Variants in LRRC4C observed in about 807,000 individuals in gnomAD.
LRRC4C encodes the protein leucine rich repeat containing 4C.
LRRC4C carries 5 observed loss-of-function variants against 33.6 expected under a neutral mutation model. That is an observed-to-expected ratio of 0.15 (90% CI 0.08 to 0.31). The LOEUF is 0.31. LRRC4C is among the 10% of genes least tolerant of loss of function. The probability of loss-of-function intolerance (pLI) is 1.00; values close to 1 mark genes in which losing one functional copy is unlikely to be tolerated. For missense variants in LRRC4C, 560 were observed against 796.7 expected, an observed-to-expected ratio of 0.70 and a Z score of 3.58; for synonymous variants, 329 against 302.0, an observed-to-expected ratio of 1.09 and a Z score of -0.93.
At chr11:41,240,820 C>G (rs768641815) in intron 1 of LRRC4C, among the ~76,000 whole-genome samples, 2 of 152,004 alleles carry the variant, frequency 1.3e-5, no homozygotes, top group African/African-American at 4.8e-5. Context: ...GTAACACACA[C>G]GCACACACAC....
At chr11:40,316,980 G>A (rs930216706) in intron 4 of LRRC4C, among the ~76,000 whole-genome samples, 1 of 151,774 alleles carries the variant, frequency 6.6e-6, no homozygotes, top group African/African-American at 2.4e-5. Context: ...TGGGAAAAAG[G>A]GAGAAAACTG....
intron 1 of LRRC4C, among the ~76,000 whole-genome samples, chr11:41,359,999 A>G (rs1420722364): frequency 6.6e-6 from 1 of 152,194 alleles, no homozygotes; most frequent in Non-Finnish European, 1.5e-5. Context: ...CCTGACCAAC[A>G]TGGTGAAACC....
At chr11:40,273,687 G>A (rs1315079674) in intron 4 of LRRC4C, among the ~76,000 whole-genome samples, 6 of 152,056 alleles carry the variant, frequency 3.9e-5, no homozygotes, top group Non-Finnish European at 7.4e-5. Flanking sequence ...TTACATAAAT[G>A]GAGAAAAATG....
intron 2 of LRRC4C, among the ~76,000 whole-genome samples, chr11:40,908,317 A>G (rs1035022483): frequency 4.6e-5 from 7 of 152,152 alleles, no homozygotes; most frequent in Non-Finnish European, 2.9e-5. Context: ...AAGCCAAAAA[A>G]AGCATACTTT....
chr11:40,565,041 C>A (rs11035929), intron 3 of LRRC4C, among the ~76,000 whole-genome samples: 3,688 of 152,250 alleles, frequency 0.024, 63 homozygotes, highest in South Asian at 0.033. Flanking sequence ...CCAACCAAGA[C>A]CTGCAGAGGG....
intron 1 of LRRC4C, among the ~76,000 whole-genome samples, chr11:41,377,337 G>A (rs1952973735): frequency 6.6e-6 from 1 of 152,034 alleles, no homozygotes; most frequent in South Asian, 2.1e-4. Context: ...CTTCTCAACC[G>A]CTAACATGAG....
intron 3 of LRRC4C, among the ~76,000 whole-genome samples, chr11:40,398,163 T>C (rs1379166909): frequency 6.6e-6 from 1 of 152,068 alleles, no homozygotes; most frequent in Non-Finnish European, 1.5e-5. Context: ...AAGATGACTA[T>C]GATAGCTTGT....
chr11:40,388,057 T>G (rs982166198), intron 3 of LRRC4C, among the ~76,000 whole-genome samples: 1 of 152,130 alleles, frequency 6.6e-6, no homozygotes, highest in African/African-American at 2.4e-5. Context: ...CTTGATCTGA[T>G]TTTTCATATG....
intron 1 of LRRC4C, among the ~76,000 whole-genome samples, chr11:41,129,986 G>A (rs1172208241): frequency 6.6e-6 from 1 of 151,962 alleles, no homozygotes; most frequent in Admixed American, 6.6e-5. Context: ...CAACCACCAA[G>A]CTCCAGATTC....
At chr11:40,513,308 A>G (rs1224044288) in intron 3 of LRRC4C, among the ~76,000 whole-genome samples, 1 of 152,062 alleles carries the variant, frequency 6.6e-6, no homozygotes, top group African/African-American at 2.4e-5. Context: ...AATTCTTCCA[A>G]GGAAGAAGTA....
At chr11:40,584,247 C>A (rs923608270) in intron 3 of LRRC4C, among the ~76,000 whole-genome samples, 4 of 136,438 alleles carry the variant, frequency 2.9e-5, no homozygotes, top group African/African-American at 1.1e-4. Flanking sequence ...CACTGCCAAG[C>A]GTATGTGTTT....
At chr11:40,283,232 T>A (rs892534134) in intron 4 of LRRC4C, among the ~76,000 whole-genome samples, 2 of 152,162 alleles carry the variant, frequency 1.3e-5, no homozygotes, top group Admixed American at 6.5e-5. Context: ...AAAAATGAGA[T>A]CCTCAAGAAC....
intron 2 of LRRC4C, among the ~76,000 whole-genome samples, chr11:40,808,288 A>T (rs1296699246): frequency 6.6e-6 from 1 of 152,112 alleles, no homozygotes; most frequent in Non-Finnish European, 1.5e-5. Context: ...GATTGATAAT[A>T]AAATTATATG....
rs1406341881 is a variant in LRRC4C, at chr11:40,701,463, A to T, written c.-406-53185T>A. ...TGAAGGTGGAAAAAAAATAAAAAAC[A>T]ATTTATATTTTTATTTGTCCTGGAA... On this transcript the variant is annotated intron_variant, in intron 2 of 6. Transcript: ENST00000528697. Among the ~76,000 whole-genome samples the T allele has an allele frequency of 2.0e-5, 3 of 151,918 alleles. No homozygotes were observed. In the East Asian group the frequency reaches 5.8e-4, roughly 29 times the overall value.
intron 2 of LRRC4C, among the ~76,000 whole-genome samples, chr11:40,825,946 G>A (rs570239473): frequency 1.2e-4 from 6 of 51,744 alleles, no homozygotes; most frequent in African/African-American, 2.6e-4. Flanking sequence ...ATTCTGGGGG[G>A]GGGGCGTCTC....
intron 2 of LRRC4C, among the ~76,000 whole-genome samples, chr11:40,904,546 T>C (rs978277275): frequency 6.6e-6 from 1 of 152,112 alleles, no homozygotes; most frequent in Non-Finnish European, 1.5e-5. Flanking sequence ...CACAAACAAA[T>C]ATGCAAAGTT....
At chr11:41,386,156 A>G (rs771383213) in intron 1 of LRRC4C, among the ~76,000 whole-genome samples, 5 of 151,668 alleles carry the variant, frequency 3.3e-5, no homozygotes, top group Non-Finnish European at 7.4e-5. Flanking sequence ...CTTACCAGCA[A>G]CTAGTTAAAT....
At chr11:40,596,185 C>T (rs528227030) in intron 3 of LRRC4C, among the ~76,000 whole-genome samples, 123 of 152,116 alleles carry the variant, frequency 8.1e-4, no homozygotes, top group Non-Finnish European at 1.5e-3. Context: ...CAACTCATGG[C>T]GCAAGGCTAG....
At chr11:40,455,519 G>C (rs1397310419) in intron 3 of LRRC4C, among the ~76,000 whole-genome samples, 1 of 152,190 alleles carries the variant, frequency 6.6e-6, no homozygotes, top group African/African-American at 2.4e-5. Context: ...GAAATGGGGG[G>C]CAGCTAGTTT....
Sources: allele counts gnomAD v4.1 joint callset (sites outside exome capture counted in the v4.1 genomes callset), GRCh38; gene constraint gnomAD v4.1.1; transcripts MANE v1.5; gene names NCBI Gene and HGNC (gene_info 2026-07-23, HGNC 2026-07-21).